Variants in EGFLAM observed in about 807,000 individuals in gnomAD.
EGFLAM encodes the protein EGF like, fibronectin type III and laminin G domains.
EGFLAM carries 79 observed loss-of-function variants against 113.1 expected under a neutral mutation model. The ratio of observed to expected loss-of-function variants is 0.70; its 90% CI spans 0.58 to 0.84. EGFLAM has a LOEUF of 0.84. EGFLAM is among the 40% of genes least tolerant of loss of function. The pLI, the probability that EGFLAM is intolerant of heterozygous loss-of-function variation, is 0.00. For synonymous variants in EGFLAM, 504 were observed against 487.6 expected (o/e 1.03, Z -0.44); for missense variants, 1,265 against 1,291.6 (o/e 0.98, Z 0.32).
At chr5:38,368,889 T>G (rs1740135860) in intron 5 of EGFLAM, among the ~76,000 whole-genome samples, 2 of 152,210 alleles carry the variant, frequency 1.3e-5, no homozygotes, top group Admixed American at 6.5e-5. Flanking sequence ...GTGTTTAATA[T>G]TAGTACCTAC....
chr5:38,341,063 T>C (rs533253920), intron 3 of EGFLAM, among the ~76,000 whole-genome samples: 1 of 152,280 alleles, frequency 6.6e-6, no homozygotes, highest in East Asian at 1.9e-4. Context: ...CAGTGACATA[T>C]ATCATAGTGT....
At chr5:38,452,412 T>G (rs1202363443) in intron 19 of EGFLAM, among the ~76,000 whole-genome samples, 1 of 152,220 alleles carries the variant, frequency 6.6e-6, no homozygotes, top group Non-Finnish European at 1.5e-5. Flanking sequence ...AGGAACTGCA[T>G]GGCAGAGCCT....
intron 6 of EGFLAM, among the ~76,000 whole-genome samples, chr5:38,381,086 A>C (rs1434946378): frequency 6.6e-6 from 1 of 152,210 alleles, no homozygotes; most frequent in African/African-American, 2.4e-5. Context: ...TGATATCCAC[A>C]TACATATCCA....
chr5:38,461,948 T>G (rs2561814), intron 20 of EGFLAM, among the ~76,000 whole-genome samples: 40,285 of 151,756 alleles, frequency 0.27, 10,207 homozygotes, highest in African/African-American at 0.67. Flanking sequence ...GGCGGATCAC[T>G]AGGTCAGGAG....
At chr5:38,463,769 C>G (rs1743368976) in intron 21 of EGFLAM, 63 bp from the exon 22 acceptor site, 1 of 1,589,874 alleles carries the variant, frequency 6.3e-7, no homozygotes, top group Non-Finnish European at 8.6e-7. Flanking sequence ...AACTGGAACC[C>G]CGACCTTGCC....
Position 38,337,669 on chromosome 5 carries a change from C to T in EGFLAM, c.207+40C>T, listed in dbSNP as rs145509203. On this transcript the variant is annotated intron_variant, in intron 2 of 21. Coordinates refer to ENST00000322350, the MANE Select transcript of EGFLAM (RefSeq NM_152403.4). Reference sequence around the variant, plus strand: ...ATGGGAGTTTCCTCGGTGGGTGTGTCGTGTGACTGTATGTCTTTCTCATCC... The same window carrying T: ...ATGGGAGTTTCCTCGGTGGGTGTGTTGTGTGACTGTATGTCTTTCTCATCC... The T allele has an allele frequency of 2.2e-3, 3,334 of 1,501,198 alleles. 9 individuals carry two copies. The highest frequency in any genetic ancestry group is 2.8e-3 in the Non-Finnish European group (3,074 of 1,099,208). The allele number at this position is 1,501,198 out of a possible 1,614,324, so 93.0% of individuals were successfully genotyped here.
rs1432723710 is a variant in EGFLAM at position 38,458,321 on chromosome 5, G to C, written c.2698G>C (p.Gly900Arg). 1.9e-6 allele frequency: 3 copies of C among 1,613,850 alleles called. No homozygotes were observed. In the South Asian group the frequency reaches 3.3e-5, roughly 18 times the overall value. Residue 900 changes from glycine to arginine, a missense_variant, in exon 20 of 22, where the codon GGC (glycine) becomes CGC (arginine). Transcript: ENST00000322350. Reference protein sequence around the residue: ...DGALVFSYNLGSGVASIMVNG... With the variant: ...DGALVFSYNLRSGVASIMVNG... ...TCTCCAATGCCTTAGCTATAACCTGGGCAGTGGTGTGGCATCCATCATGGT... is the reference window on the plus strand; with the variant it reads ...TCTCCAATGCCTTAGCTATAACCTGCGCAGTGGTGTGGCATCCATCATGGT...
intron 17 of EGFLAM, among the ~76,000 whole-genome samples, chr5:38,441,849 T>G (rs1742545358): frequency 6.6e-6 from 1 of 152,188 alleles, no homozygotes; most frequent in South Asian, 2.1e-4. Flanking sequence ...TTCCCTTCCC[T>G]GTGTTTCTAG....
In EGFLAM at chr5:38,395,486, C is replaced by T. The variant is rs112635233; in HGVS notation, c.713-10640C>T. ...GGCTAGATATAGGATTTTGTCTGGA[C>T]GATTATTATCTCCTAGCACTTTGTC... On this transcript the variant is annotated intron_variant, in intron 6 of 21. Transcript: ENST00000322350. Among the ~76,000 whole-genome samples, 609 of 152,100 alleles carry T rather than the reference C, an allele frequency of 4.0e-3. 4 individuals are homozygous for T. The highest frequency in any genetic ancestry group is 0.014 in the African/African-American group (591 of 41,488).
chr5:38,360,658 T>C (rs1028453566), intron 5 of EGFLAM, among the ~76,000 whole-genome samples: 1 of 152,094 alleles, frequency 6.6e-6, no homozygotes, highest in African/African-American at 2.4e-5. Flanking sequence ...CATGGGGTTA[T>C]TATGAAATTA....
At chr5:38,403,743 T>C in intron 6 of EGFLAM, 1 of 1,537,348 alleles carries the variant, frequency 6.5e-7, no homozygotes, top group South Asian at 1.2e-5. Flanking sequence ...TAAATGAAAT[T>C]GCAGAAAGCA....
intron 6 of EGFLAM, among the ~76,000 whole-genome samples, chr5:38,396,405 G>A (rs1273613417): frequency 2.0e-5 from 3 of 152,276 alleles, no homozygotes; most frequent in African/African-American, 7.2e-5. Context: ...GAAAATGACT[G>A]ACTAGATACA....
At chr5:38,375,720 A>G (rs1463507896) in intron 6 of EGFLAM, among the ~76,000 whole-genome samples, 1 of 151,952 alleles carries the variant, frequency 6.6e-6, no homozygotes, top group African/African-American at 2.4e-5. Flanking sequence ...AGCCAGGCCC[A>G]GTGTTTTCAT....
chr5:38,318,459 C>T (rs1738657967), intron 1 of EGFLAM, among the ~76,000 whole-genome samples: 1 of 150,290 alleles, frequency 6.7e-6, no homozygotes, highest in Non-Finnish European at 1.5e-5. Context: ...AGTATAGTAT[C>T]TAACTAGTTA....
rs143347422 is a variant in EGFLAM, at chr5:38,401,596, C to T, written c.713-4530C>T. Among the ~76,000 whole-genome samples the T allele has an allele frequency of 2.4e-3, 361 of 152,234 alleles. 2 individuals are homozygous for T. Among genetic ancestry groups the T allele is most frequent in the African/African-American group, 8.0e-3 (334 of 41,540 alleles). Reference sequence around the variant, plus strand: ...GTCTTTGGATTGGGAGGCAGAGTCCCACCATGTTGAGCAAGGGCAGGACAT... The same window carrying T: ...GTCTTTGGATTGGGAGGCAGAGTCCTACCATGTTGAGCAAGGGCAGGACAT... On this transcript the variant is annotated intron_variant, in intron 6 of 21. Coordinates refer to ENST00000322350, the MANE Select transcript of EGFLAM (RefSeq NM_152403.4).
chr5:38,326,416 C>T (rs1295947725), intron 1 of EGFLAM, among the ~76,000 whole-genome samples: 1 of 152,208 alleles, frequency 6.6e-6, no homozygotes, highest in African/African-American at 2.4e-5. Flanking sequence ...ACTTTGGTCA[C>T]TGTCCACTGA....
intron 3 of EGFLAM, among the ~76,000 whole-genome samples, chr5:38,343,330 C>G (rs1329786168): frequency 2.2e-4 from 33 of 150,890 alleles, no homozygotes; most frequent in Non-Finnish European, 4.4e-5. Flanking sequence ...TGCTTGAACC[C>G]TGGAGGCGGA....
At chr5:38,322,139 A>G (rs1166650181) in intron 1 of EGFLAM, among the ~76,000 whole-genome samples, 1 of 152,026 alleles carries the variant, frequency 6.6e-6, no homozygotes, top group African/African-American at 2.4e-5. Flanking sequence ...ACGCATGGAC[A>G]CCTGCCCATA....
intron 3 of EGFLAM, among the ~76,000 whole-genome samples, chr5:38,349,830 G>T (rs957307473): frequency 2.7e-4 from 36 of 133,288 alleles, no homozygotes; most frequent in Non-Finnish European, 1.1e-4. Flanking sequence ...AGTCTTCCTG[G>T]TGATTCTGAT....
Sources: gnomAD v4.1 joint callset for allele counts (sites outside exome capture counted in the v4.1 genomes callset) on GRCh38, gnomAD v4.1.1 for gene constraint, MANE v1.5 for transcripts, NCBI Gene and HGNC (gene_info 2026-07-23, HGNC 2026-07-21) for gene names.